Variants in IPP observed in about 807,000 individuals in gnomAD.
IPP encodes intracisternal A particle-promoted polypeptide.
Under a neutral mutation model 64.1 loss-of-function variants are expected in IPP, and 41 were observed. The observed-to-expected ratio is 0.64, with a 90% CI of 0.50 to 0.83. The LOEUF (loss-of-function observed/expected upper bound fraction) is 0.83, where lower values mean the gene tolerates loss of function less well. Ranked by LOEUF, IPP falls within the 40% of genes least tolerant of loss-of-function variation. The pLI is 0.00. For missense variants in IPP, 649 were observed against 703.0 expected, an observed-to-expected ratio of 0.92 and a Z score of 0.87; for synonymous variants, 214 against 235.2, an observed-to-expected ratio of 0.91 and a Z score of 0.83.
Position 45,714,304 on chromosome 1 carries a change from C to T in IPP, c.1472G>A (p.Gly491Glu), listed in dbSNP as rs1170758446. Reference sequence around the variant, plus strand: ...AGCATCTTGGGTCTCATTCCATCCTCCAACAGAATAGATGCAGTCATTGAG... The same window carrying T: ...AGCATCTTGGGTCTCATTCCATCCTTCAACAGAATAGATGCAGTCATTGAG... ...AALNDCIYSVGGWNETQDALH... is the reference protein window; with the variant it reads ...AALNDCIYSVEGWNETQDALH... The change falls in exon 8 of 9, where the codon GGA (glycine) becomes GAA (glutamate). Residue 491 changes from glycine to glutamate, a missense_variant. Gly to Glu is a moderately conservative substitution (Grantham distance 98). Coordinates refer to ENST00000396478, the MANE Select transcript of IPP (RefSeq NM_005897.3). 2 of 1,614,170 alleles carry T rather than the reference C, an allele frequency of 1.2e-6. No homozygotes were observed. The highest frequency in any genetic ancestry group is 2.7e-5 in the African/African-American group (2 of 75,054).
At chr1:45,713,219 G>A (rs1209828872) in intron 8 of IPP, among the ~76,000 whole-genome samples, 1 of 152,062 alleles carries the variant, frequency 6.6e-6, no homozygotes, top group Non-Finnish European at 1.5e-5. Flanking sequence ...CTTAAGACCA[G>A]GAGTTTGAGA....
At chr1:45,698,628 C>T, downstream of IPP, 1 of 947,896 alleles carries the variant, frequency 1.1e-6, no homozygotes, top group African/African-American at 1.8e-5. Context: ...TTTTACAAAG[C>T]TTGATAATCT....
intron 2 of IPP, among the ~76,000 whole-genome samples, chr1:45,742,619 TGCCTCCCACGCTCAGGTGA>T (rs1646081507): frequency 6.6e-6 from 1 of 152,158 alleles, no homozygotes; most frequent in African/African-American, 2.4e-5. Flanking sequence ...CTGCAACCTC[TGCCTCCCACGCTCAGGTGA>T]GCCTCCCACC....
intron 5 of IPP, among the ~76,000 whole-genome samples, chr1:45,726,959 C>A (rs1645836734): frequency 6.6e-6 from 1 of 152,096 alleles, no homozygotes; most frequent in African/African-American, 2.4e-5. Flanking sequence ...CTCCTGACCT[C>A]AGGTGATCTG....
intron 8 of IPP, among the ~76,000 whole-genome samples, chr1:45,705,121 G>A (rs1645499647): frequency 6.6e-6 from 1 of 152,230 alleles, no homozygotes; most frequent in Non-Finnish European, 1.5e-5. Context: ...CCACCAGCTT[G>A]CTCTTAAATT....
At chr1:45,717,059 T>C in intron 6 of IPP, 42 bp from the exon 7 acceptor site, 1 of 1,594,922 alleles carries the variant, frequency 6.3e-7, no homozygotes, top group Non-Finnish European at 8.6e-7. Context: ...GGATAAAAGA[T>C]TCTTATTTAT....
At chr1:45,730,454 C>T (rs758881727) in intron 3 of IPP, among the ~76,000 whole-genome samples, 1 of 151,816 alleles carries the variant, frequency 6.6e-6, no homozygotes, top group African/African-American at 2.4e-5. Context: ...GCCACAAATT[C>T]TATACTTACA....
chr1:45,739,345 C>T (rs1255217453), intron 3 of IPP, among the ~76,000 whole-genome samples: 1 of 151,856 alleles, frequency 6.6e-6, no homozygotes, highest in East Asian at 1.9e-4. Context: ...GTGATCCTCC[C>T]ACCTCAGCCT....
intron 3 of IPP, among the ~76,000 whole-genome samples, chr1:45,737,876 A>G (rs1005172372): frequency 1.2e-4 from 18 of 152,156 alleles, no homozygotes; most frequent in Admixed American, 3.3e-4. Context: ...TTATCATCTC[A>G]TATCATCACC....
At chr1:45,732,112 C>T (rs746141159) in intron 3 of IPP, among the ~76,000 whole-genome samples, 23 of 152,148 alleles carry the variant, frequency 1.5e-4, no homozygotes, top group Non-Finnish European at 3.2e-4. Context: ...GTAATCCTAG[C>T]ACTTTGGGAA....
intron 5 of IPP, among the ~76,000 whole-genome samples, chr1:45,724,105 C>T (rs931039464): frequency 1.1e-3 from 173 of 151,752 alleles, no homozygotes; most frequent in Non-Finnish European, 1.9e-3. Context: ...CCTCAGCCTG[C>T]CGAGCGCCTG....
At chr1:45,731,727 A>G (rs1257749573) in intron 3 of IPP, among the ~76,000 whole-genome samples, 3 of 151,804 alleles carry the variant, frequency 2.0e-5, no homozygotes, top group African/African-American at 7.3e-5. Context: ...TGAGGTCAGG[A>G]GTTAAGAGAC....
intron 6 of IPP, 61 bp from the exon 7 acceptor site, chr1:45,717,078 C>T (rs1340963112): frequency 1.3e-6 from 2 of 1,500,818 alleles, no homozygotes; most frequent in African/African-American, 2.8e-5. Flanking sequence ...ATGACAAAGA[C>T]CTTAGAAAAC....
chr1:45,727,735 C>T lies in IPP; in HGVS notation c.944G>A (p.Arg315His), dbSNP rs756644670. Residue 315 changes from arginine to histidine, a missense_variant, in exon 5 of 9, where the codon CGT (arginine) becomes CAT (histidine). Arg to His is a conservative substitution (Grantham distance 29, BLOSUM62 0). Transcript: ENST00000396478. The stretch of plus-strand genomic sequence containing the variant: ...CCAGTACTGGCTAAAGGTGTCAAAA[C>T]GTTCTACACAGCTGAGGGCTCTGCT... Reference protein sequence around the residue: ...SDSRALSCVERFDTFSQYWTT... With the variant: ...SDSRALSCVEHFDTFSQYWTT... 15 of 1,596,204 alleles carry T rather than the reference C, an allele frequency of 9.4e-6. No homozygotes were observed. In the Admixed American group the frequency reaches 2.0e-4, roughly 21 times the overall value.
At position 45,727,917 on chromosome 1, in the gene IPP, A is replaced by T. The variant is rs534540625; in HGVS notation, c.881-119T>A. 1,179 of 680,592 alleles carry T rather than the reference A, an allele frequency of 1.7e-3. 3 individuals carry two copies. The highest frequency in any genetic ancestry group is 2.2e-3 in the Middle Eastern group (5 of 2,262). The allele number at this position is 680,592 out of a possible 1,614,324, so 42.2% of individuals were successfully genotyped here. ...GAAATTACTTTCTCTATATACATAT[A>T]ATGTAATATTCTTAAATTTGCCAAT... On this transcript the variant is annotated intron_variant, in intron 4 of 8. Transcript: ENST00000396478.
chr1:45,737,073 G>A (rs1336238869), intron 3 of IPP, among the ~76,000 whole-genome samples: 4 of 150,386 alleles, frequency 2.7e-5, no homozygotes, highest in Non-Finnish European at 1.5e-5. Context: ...AAAAGCTGTA[G>A]GAAAACATGT....
At chr1:45,721,251 A>AG (rs1645726925) in intron 5 of IPP, among the ~76,000 whole-genome samples, 1 of 152,230 alleles carries the variant, frequency 6.6e-6, no homozygotes, top group African/African-American at 2.4e-5. Flanking sequence ...CTCCACTGAT[A>AG]CAAAATTTTC....
chr1:45,732,221 C>T lies in IPP; in HGVS notation c.725-2452G>A, dbSNP rs1645917348. The stretch of plus-strand genomic sequence containing the variant: ...CTAAAAATTACAAAAATTAGCTGGG[C>T]GTTGTGGTGGGCACATGTAATCCCA... On this transcript the variant is annotated intron_variant, in intron 3 of 8. Coordinates refer to ENST00000396478, the MANE Select transcript of IPP (RefSeq NM_005897.3). Among the ~76,000 whole-genome samples, 4 of 151,764 alleles carry T rather than the reference C, an allele frequency of 2.6e-5. No homozygotes were observed. In the South Asian group the frequency reaches 8.3e-4, roughly 32 times the overall value.
In IPP at chr1:45,710,933, T is replaced by C. The variant is rs542944926; in HGVS notation, c.1530+3313A>G. On this transcript the variant is annotated intron_variant, in intron 8 of 8. Coordinates refer to ENST00000396478, the MANE Select transcript of IPP (RefSeq NM_005897.3). ...ACTCGGGAGGCTAAGACAGGAGAAT[T>C]GCTTGAACCCGGGAGGCGGAGGTTG... 5.8e-3 allele frequency among the ~76,000 whole-genome samples: 6 copies of C among 1,036 alleles called. 1 individual carries two copies. The highest frequency in any genetic ancestry group is 0.011 in the Non-Finnish European group (2 of 178). 0.7% of individuals were successfully genotyped at this position (1,036 alleles called of 152,430 possible). A position where few individuals can be genotyped will look rare whatever the true frequency, so the allele number is the denominator to read the frequency against.
Sources: gnomAD v4.1 joint callset for allele counts (sites outside exome capture counted in the v4.1 genomes callset) on GRCh38, gnomAD v4.1.1 for gene constraint, MANE v1.5 for transcripts, NCBI Gene and HGNC (gene_info 2026-07-23, HGNC 2026-07-21) for gene names.